Variants in CSGALNACT1 observed in about 807,000 individuals in gnomAD.
CSGALNACT1 encodes chondroitin sulfate N-acetylgalactosaminyltransferase 1.
A neutral mutation model predicts 51.0 loss-of-function variants in CSGALNACT1; 52 were observed. That is an observed-to-expected ratio of 1.02 (90% confidence interval 0.82 to 1.29). The LOEUF is 1.29. Ranked by LOEUF, CSGALNACT1 falls within the 50% of genes most tolerant of loss-of-function variation. CSGALNACT1 has a pLI of 0.00. For synonymous variants in CSGALNACT1, 341 were observed against 254.4 expected (o/e 1.34, Z -3.24); for missense variants, 935 against 679.2 (o/e 1.38, Z -4.19).
intron 1 of CSGALNACT1, among the ~76,000 whole-genome samples, chr8:19,738,446 G>T (rs766095254): frequency 3.3e-5 from 5 of 152,082 alleles, no homozygotes; most frequent in Non-Finnish European, 7.4e-5. Flanking sequence ...ACAGACAGAA[G>T]GTAGAATGGT....
At chr8:19,670,669 A>C (rs1201042628) in intron 1 of CSGALNACT1, among the ~76,000 whole-genome samples, 2 of 150,988 alleles carry the variant, frequency 1.3e-5, no homozygotes, top group African/African-American at 4.8e-5. Context: ...AAAAAAAAAA[A>C]AAAAGAGAAA....
chr8:19,451,653 G>A (rs1246562571), intron 5 of CSGALNACT1, among the ~76,000 whole-genome samples: 3 of 152,150 alleles, frequency 2.0e-5, no homozygotes, highest in African/African-American at 2.4e-5. Flanking sequence ...CCCCAAGACC[G>A]CTTTGTGCCT....
intron 3 of CSGALNACT1, among the ~76,000 whole-genome samples, chr8:19,529,324 G>T (rs2154051514): frequency 6.6e-6 from 1 of 152,280 alleles, no homozygotes; most frequent in South Asian, 2.1e-4. Flanking sequence ...GGAAGGGTGT[G>T]TATCAGGGAG....
At chr8:19,427,885 A>C (rs971931796) in intron 6 of CSGALNACT1, among the ~76,000 whole-genome samples, 1 of 152,182 alleles carries the variant, frequency 6.6e-6, no homozygotes, top group African/African-American at 2.4e-5. Flanking sequence ...ACTGTGCACA[A>C]GGCAAGTGAG....
chr8:19,448,166 T>G (rs1586232261), intron 5 of CSGALNACT1, among the ~76,000 whole-genome samples: 1 of 151,922 alleles, frequency 6.6e-6, no homozygotes. Flanking sequence ...CTTGCCAGAG[T>G]AGGGGAGAGA....
At chr8:19,752,732 A>C (rs1296698388) in intron 1 of CSGALNACT1, among the ~76,000 whole-genome samples, 1 of 152,176 alleles carries the variant, frequency 6.6e-6, no homozygotes, top group East Asian at 1.9e-4. Flanking sequence ...CCATCAACTC[A>C]AATGTCCTTT....
intron 1 of CSGALNACT1, among the ~76,000 whole-genome samples, chr8:19,652,441 C>G (rs1389987311): frequency 6.6e-6 from 1 of 152,172 alleles, no homozygotes; most frequent in African/African-American, 2.4e-5. Flanking sequence ...GCATCCCCAC[C>G]TGTCTTTACC....
chr8:19,686,002 G>A (rs2060955075), upstream of CSGALNACT1, among the ~76,000 whole-genome samples: 3 of 152,136 alleles, frequency 2.0e-5, no homozygotes, highest in South Asian at 4.1e-4. Context: ...ACACACTCTT[G>A]GTGGACTGTG....
At chr8:19,697,854 G>T (rs1185404630) in intron 1 of CSGALNACT1, among the ~76,000 whole-genome samples, 1 of 152,178 alleles carries the variant, frequency 6.6e-6, no homozygotes, top group African/African-American at 2.4e-5. Context: ...CCCAGAGAGG[G>T]TAACGTGAAT....
At chr8:19,525,668 C>G (rs935088049) in intron 3 of CSGALNACT1, among the ~76,000 whole-genome samples, 1 of 133,470 alleles carries the variant, frequency 7.5e-6, no homozygotes, top group South Asian at 2.4e-4. Flanking sequence ...CACCATAAGC[C>G]TTGTGCACAA....
intron 3 of CSGALNACT1, among the ~76,000 whole-genome samples, chr8:19,548,091 A>G (rs1554691027): frequency 6.6e-6 from 1 of 152,236 alleles, no homozygotes; most frequent in Non-Finnish European, 1.5e-5. Flanking sequence ...TTATTGGATT[A>G]AGTATTAAAT....
chr8:19,746,695 CAT>C (rs1480136342), intron 1 of CSGALNACT1, among the ~76,000 whole-genome samples: 1 of 152,220 alleles, frequency 6.6e-6, no homozygotes. Context: ...CCAACTCCAA[CAT>C]GTTATTGACA....
intron 4 of CSGALNACT1, among the ~76,000 whole-genome samples, chr8:19,497,724 A>G (rs929855842): frequency 2.6e-5 from 4 of 152,132 alleles, no homozygotes; most frequent in Non-Finnish European, 4.4e-5. Context: ...CGGGCCTCCA[A>G]ATTACTAAGC....
chr8:19,456,637 A>C, intron 5 of CSGALNACT1, among the ~76,000 whole-genome samples: 1 of 152,224 alleles, frequency 6.6e-6, no homozygotes, highest in African/African-American at 2.4e-5. Flanking sequence ...AAAGAAGCCA[A>C]AACTATAAAA....
chr8:19,462,345 A>ATT (rs72575580), intron 4 of CSGALNACT1, among the ~76,000 whole-genome samples: 136 of 151,758 alleles, frequency 9.0e-4, no homozygotes, highest in East Asian at 5.2e-3. Flanking sequence ...CAGAGGAATG[A>ATT]TTTTTTTTTC....
chr8:19,516,579 C>T (rs2079563883), intron 3 of CSGALNACT1, among the ~76,000 whole-genome samples: 1 of 152,210 alleles, frequency 6.6e-6, no homozygotes, highest in South Asian at 2.1e-4. Context: ...AACAGCTAGG[C>T]AAACTCACAC....
At chr8:19,505,541 G>A (rs747765687) in exon 4 of CSGALNACT1, 3 of 1,613,800 alleles carry the variant, frequency 1.9e-6, no homozygotes, top group Admixed American at 1.7e-5. Flanking sequence ...CGCTGGCTTG[G>A]TACTGCCCAT....
chr8:19,741,523 A>G (rs2064312624), intron 1 of CSGALNACT1, among the ~76,000 whole-genome samples: 1 of 141,364 alleles, frequency 7.1e-6, no homozygotes, highest in African/African-American at 2.7e-5. Flanking sequence ...AGATTGCACC[A>G]CTGAATTCCA....
intron 1 of CSGALNACT1, among the ~76,000 whole-genome samples, chr8:19,692,158 TCA>T (rs2061363944): frequency 6.6e-6 from 1 of 152,008 alleles, no homozygotes. Flanking sequence ...CATGATCCAA[TCA>T]CCTCCCACCT....
Sources: allele counts gnomAD v4.1 joint callset (sites outside exome capture counted in the v4.1 genomes callset), GRCh38; gene constraint gnomAD v4.1.1; transcripts MANE v1.5; gene names NCBI Gene and HGNC (gene_info 2026-07-23, HGNC 2026-07-21).